KIF6: variants seen among roughly 807,000 people sequenced by gnomAD.
The protein encoded by KIF6 is kinesin-like protein KIF6.
A neutral mutation model predicts 112.7 loss-of-function variants in KIF6; 106 were observed. The ratio of observed to expected loss-of-function variants is 0.94; its 90% CI spans 0.80 to 1.11. KIF6 has a LOEUF of 1.11. Among genes scored for constraint, KIF6 ranks in the 50% least tolerant of loss-of-function variants. The pLI is 0.00. For missense variants in KIF6, 929 were observed against 964.0 expected (o/e 0.96, Z 0.48); for synonymous variants, 339 against 339.9 (o/e 1.00, Z 0.03).
At chr6:39,567,070 A>C (rs1205117709) in intron 10 of KIF6, among the ~76,000 whole-genome samples, 1 of 152,190 alleles carries the variant, frequency 6.6e-6, no homozygotes, top group Admixed American at 6.5e-5. Context: ...TCATTAAAAC[A>C]TGATTTGCTT....
At chr6:39,601,291 A>C (rs1348876353) in intron 6 of KIF6, among the ~76,000 whole-genome samples, 1 of 152,036 alleles carries the variant, frequency 6.6e-6, no homozygotes, top group Non-Finnish European at 1.5e-5. Context: ...AATATCCTTT[A>C]TCTCTCACTT....
At chr6:39,410,309 A>T (rs1031011526) in intron 15 of KIF6, among the ~76,000 whole-genome samples, 2 of 152,252 alleles carry the variant, frequency 1.3e-5, no homozygotes, top group Non-Finnish European at 2.9e-5. Flanking sequence ...CTGCTTTCTG[A>T]AAATGTGAAA....
At chr6:39,439,916 T>C (rs906127863) in intron 13 of KIF6, among the ~76,000 whole-genome samples, 2 of 152,202 alleles carry the variant, frequency 1.3e-5, no homozygotes, top group African/African-American at 4.8e-5. Flanking sequence ...TCCTGGCTGC[T>C]CCTAAACAAC....
chr6:39,384,387 C>A (rs1767227195), intron 16 of KIF6, among the ~76,000 whole-genome samples: 1 of 152,176 alleles, frequency 6.6e-6, no homozygotes, highest in Non-Finnish European at 1.5e-5. Flanking sequence ...GGCCCTGGGG[C>A]AGCCTGGCTC....
At chr6:39,538,384 A>C (rs1778572394) in intron 13 of KIF6, among the ~76,000 whole-genome samples, 1 of 151,632 alleles carries the variant, frequency 6.6e-6, no homozygotes, top group Non-Finnish European at 1.5e-5. Flanking sequence ...AAAACAAACA[A>C]CCCCATCAGA....
At chr6:39,488,395 C>T (rs1297678441) in intron 13 of KIF6, among the ~76,000 whole-genome samples, 2 of 152,212 alleles carry the variant, frequency 1.3e-5, no homozygotes, top group African/African-American at 4.8e-5. Flanking sequence ...GTCTGCTCCC[C>T]TGTCTTGGAC....
intron 13 of KIF6, among the ~76,000 whole-genome samples, chr6:39,525,895 G>A (rs1204665853): frequency 6.6e-6 from 1 of 152,116 alleles, no homozygotes; most frequent in Non-Finnish European, 1.5e-5. Flanking sequence ...ATGGGCATGT[G>A]ATTCCCCCTA....
At chr6:39,495,701 T>C (rs1775743158) in intron 13 of KIF6, among the ~76,000 whole-genome samples, 1 of 152,260 alleles carries the variant, frequency 6.6e-6, no homozygotes, top group Admixed American at 6.5e-5. Flanking sequence ...GGTCAATCTA[T>C]GCAGAGTATG....
chr6:39,467,582 A>T (rs370045326), intron 13 of KIF6, among the ~76,000 whole-genome samples: 21 of 152,160 alleles, frequency 1.4e-4, no homozygotes, highest in African/African-American at 5.1e-4. Context: ...CCCTCTGAGG[A>T]ACAAAATCAT....
At chr6:39,656,404 C>T (rs1225446666) in intron 3 of KIF6, among the ~76,000 whole-genome samples, 2 of 152,220 alleles carry the variant, frequency 1.3e-5, no homozygotes, top group South Asian at 4.1e-4. Flanking sequence ...CCTCTGTCTA[C>T]ACTGCCACCA....
intron 13 of KIF6, among the ~76,000 whole-genome samples, chr6:39,518,252 G>A (rs1389698313): frequency 1.3e-5 from 2 of 152,100 alleles, no homozygotes; most frequent in East Asian, 3.9e-4. Context: ...GCACATGTGT[G>A]CCTTGTGTGT....
At chr6:39,488,254 T>C (rs1158057796) in intron 13 of KIF6, among the ~76,000 whole-genome samples, 2 of 152,232 alleles carry the variant, frequency 1.3e-5, no homozygotes, top group East Asian at 1.9e-4. Flanking sequence ...AACCCTGATA[T>C]TCAGTTTACT....
At chr6:39,444,843 A>G (rs570029671) in intron 13 of KIF6, among the ~76,000 whole-genome samples, 1 of 151,790 alleles carries the variant, frequency 6.6e-6, no homozygotes, top group African/African-American at 2.4e-5. Context: ...AAAAAAAAAA[A>G]GGAAATTTTT....
chr6:39,355,766 G>C (rs1301541226), intron 19 of KIF6, among the ~76,000 whole-genome samples: 1 of 145,942 alleles, frequency 6.9e-6, no homozygotes, highest in African/African-American at 2.6e-5. Context: ...CTGGACAATA[G>C]TTGTTTTTTA....
intron 22 of KIF6, among the ~76,000 whole-genome samples, chr6:39,337,172 C>CTTCTTTCTTTCTTTCTCTTTCTTTCT (rs1763015915): frequency 6.7e-5 from 4 of 59,520 alleles, no homozygotes; most frequent in Non-Finnish European, 1.2e-4. Context: ...TCTTTCCTTC[C>CTTCTTTCTTTCTTTCTCTTTCTTTCT]TTCTTTCTTT....
chr6:39,582,224 T>G (rs181836687), intron 9 of KIF6, among the ~76,000 whole-genome samples: 16 of 152,144 alleles, frequency 1.1e-4, no homozygotes, highest in African/African-American at 3.6e-4. Flanking sequence ...CTAAGCCAAG[T>G]TTTTTTGGTT....
In KIF6 at chr6:39,497,876, T is replaced by C. The variant is rs1360577983; in HGVS notation, c.1645+42127A>G. ...CATCTAACAAACAGATTATAAACTA[T>C]TGGTAACTAGAGAGCCAACTTAATT... On this transcript the variant is annotated intron_variant, in intron 13 of 22. Coordinates refer to ENST00000287152, the MANE Select transcript of KIF6 (RefSeq NM_145027.6). Among the ~76,000 whole-genome samples, 6 of 152,334 alleles carry C rather than the reference T, an allele frequency of 3.9e-5. No individual in the cohort carries two copies. The South Asian group carries it at 6.2e-4, about 16-fold the overall frequency.
chr6:39,339,956 T>C lies in KIF6; in HGVS notation c.2429-3408A>G, dbSNP rs878901869. Among the ~76,000 whole-genome samples, 6 of 152,290 alleles carry C rather than the reference T, an allele frequency of 3.9e-5. 1 individual carries two copies. Among genetic ancestry groups the C allele is most frequent in the Admixed American group, 3.9e-4 (6 of 15,298 alleles). On this transcript the variant is annotated intron_variant, in intron 22 of 22. Transcript: ENST00000287152. ...AAGTAACCAAGGCAGCGCTGTGAGC[T>C]AAATTAAGATTCGAGAGCCCAGGCA...
chr6:39,555,841 T>C (rs1561806447), intron 10 of KIF6, among the ~76,000 whole-genome samples: 2 of 151,020 alleles, frequency 1.3e-5, no homozygotes, highest in African/African-American at 4.9e-5. Context: ...GTAATCCCAG[T>C]TACTCGGGAA....
Sources: gnomAD v4.1 joint callset for allele counts (sites outside exome capture counted in the v4.1 genomes callset) on GRCh38, gnomAD v4.1.1 for gene constraint, MANE v1.5 for transcripts, NCBI Gene and HGNC (gene_info 2026-07-23, HGNC 2026-07-21) for gene names.